WWOX: variants seen among roughly 807,000 people sequenced by gnomAD.
WWOX encodes WW domain containing oxidoreductase.
Under a neutral mutation model 46.2 loss-of-function variants are expected in WWOX, and 69 were observed. That is an observed-to-expected ratio of 1.49 (90% confidence interval 1.23 to 1.82). WWOX has a LOEUF of 1.82. Among genes scored for constraint, WWOX ranks in the 40% most tolerant of loss-of-function variants. The probability of loss-of-function intolerance (pLI) is 0.00; values close to 1 mark genes in which losing one functional copy is unlikely to be tolerated. For synonymous variants in WWOX, 359 were observed against 202.6 expected (o/e 1.77, Z -6.56); for missense variants, 919 against 542.6 (o/e 1.69, Z -6.89).
chr16:78,596,074 T>A (rs1447092240), intron 8 of WWOX, among the ~76,000 whole-genome samples: 1 of 152,206 alleles, frequency 6.6e-6, no homozygotes. Context: ...TTTTTTATAT[T>A]CAAAATTTCT....
At chr16:78,429,848 A>C (rs368769692) in intron 7 of WWOX, among the ~76,000 whole-genome samples, 29 of 152,338 alleles carry the variant, frequency 1.9e-4, no homozygotes, top group African/African-American at 7.0e-4. Context: ...TCAACATGTA[A>C]ATGCTTGGGC....
intron 8 of WWOX, among the ~76,000 whole-genome samples, chr16:79,171,753 G>T (rs901658745): frequency 6.6e-6 from 1 of 152,112 alleles, no homozygotes; most frequent in Non-Finnish European, 1.5e-5. Context: ...CTATGGAAAC[G>T]AGTAAAGTTC....
chr16:78,826,911 C>T (rs776609282), intron 8 of WWOX, among the ~76,000 whole-genome samples: 2 of 152,176 alleles, frequency 1.3e-5, no homozygotes, highest in African/African-American at 2.4e-5. Flanking sequence ...ATTCATTGAT[C>T]ACACACTACA....
chr16:78,946,215 G>C (rs923028834), intron 8 of WWOX, among the ~76,000 whole-genome samples: 1 of 152,118 alleles, frequency 6.6e-6, no homozygotes, highest in Non-Finnish European at 1.5e-5. Context: ...TTTCGAGACT[G>C]AGTCTTGCTC....
intron 8 of WWOX, among the ~76,000 whole-genome samples, chr16:79,096,652 C>T (rs1162449368): frequency 6.6e-6 from 1 of 152,192 alleles, no homozygotes; most frequent in Non-Finnish European, 1.5e-5. Flanking sequence ...ATTATCATTG[C>T]CATCAATCCA....
At chr16:79,163,572 G>T (rs2050529333) in intron 8 of WWOX, among the ~76,000 whole-genome samples, 1 of 152,194 alleles carries the variant, frequency 6.6e-6, no homozygotes, top group African/African-American at 2.4e-5. Flanking sequence ...GCCGAAGGGG[G>T]TGGATCACCT....
chr16:78,403,927 C>T (rs538899659), intron 6 of WWOX, among the ~76,000 whole-genome samples: 30 of 152,190 alleles, frequency 2.0e-4, no homozygotes, highest in Admixed American at 1.8e-3. Context: ...CTCTGTGGAC[C>T]ACAGAGCAGG....
chr16:78,445,006 C>A (rs1031761960), intron 8 of WWOX, among the ~76,000 whole-genome samples: 4 of 151,294 alleles, frequency 2.6e-5, no homozygotes, highest in East Asian at 1.9e-4. Context: ...TGTTTCGGAT[C>A]CCAGGTTCCA....
At chr16:78,721,044 C>G (rs1186006351) in intron 8 of WWOX, among the ~76,000 whole-genome samples, 1 of 151,992 alleles carries the variant, frequency 6.6e-6, no homozygotes, top group African/African-American at 2.4e-5. Context: ...TCTTATTAGT[C>G]TATAAGATTG....
In WWOX at chr16:78,959,685, G is replaced by A. The variant is rs188454631; in HGVS notation, c.1057-251923G>A. ...ATTTGTCGGATAGACTGCAGGCTCA[G>A]ACACTGATGAGACCCCCCTGCAACT... is the stretch of plus-strand genomic sequence containing the variant. On this transcript the variant is annotated intron_variant, in intron 8 of 8. Transcript: ENST00000566780. Among the ~76,000 whole-genome samples, 493 of 152,236 alleles carry A rather than the reference G, an allele frequency of 3.2e-3. 3 individuals carry two copies. The highest frequency in any genetic ancestry group is 5.5e-3 in the Non-Finnish European group (375 of 68,008).
chr16:78,621,400 C>T (rs534622805), intron 8 of WWOX, among the ~76,000 whole-genome samples: 2 of 152,058 alleles, frequency 1.3e-5, no homozygotes, highest in Admixed American at 6.5e-5. Flanking sequence ...TCACCCCTTT[C>T]ACCTCTCCCC....
intron 8 of WWOX, among the ~76,000 whole-genome samples, chr16:78,979,952 C>T (rs1237254931): frequency 1.3e-5 from 2 of 152,060 alleles, no homozygotes; most frequent in East Asian, 1.9e-4. Context: ...CATGGTGAAA[C>T]CCCATCTCTA....
chr16:78,862,481 C>T (rs2043912177), intron 8 of WWOX, among the ~76,000 whole-genome samples: 1 of 151,740 alleles, frequency 6.6e-6, no homozygotes, highest in Admixed American at 6.6e-5. Context: ...CACACAAGTG[C>T]ATACACACAC....
At chr16:79,083,653 C>G (rs549132427) in intron 8 of WWOX, among the ~76,000 whole-genome samples, 1 of 152,150 alleles carries the variant, frequency 6.6e-6, no homozygotes, top group Non-Finnish European at 1.5e-5. Flanking sequence ...CGAAGGAAAA[C>G]AAAGACAATT....
rs181055511 is a variant in WWOX, at chr16:79,094,686, T to C, written c.1057-116922T>C. Among the ~76,000 whole-genome samples, 671 of 152,264 alleles carry C rather than the reference T, an allele frequency of 4.4e-3. 2 individuals are homozygous for C. The highest frequency in any genetic ancestry group is 8.0e-3 in the Non-Finnish European group (546 of 68,022). On this transcript the variant is annotated intron_variant, in intron 8 of 8. Transcript: ENST00000566780. ...TTTCTAGAAGTTTTGGTATAAAATA[T>C]GTACAAGGATACATATATAAACTTA...
chr16:78,201,661 G>C (rs900992750), intron 5 of WWOX, among the ~76,000 whole-genome samples: 1 of 151,532 alleles, frequency 6.6e-6, no homozygotes, highest in Admixed American at 6.6e-5. Flanking sequence ...TCCCCTCACT[G>C]GGCATTCCTT....
At chr16:78,553,468 C>A (rs1368323117) in intron 8 of WWOX, among the ~76,000 whole-genome samples, 1 of 151,704 alleles carries the variant, frequency 6.6e-6, no homozygotes, top group African/African-American at 2.4e-5. Context: ...GAGTTCGAGC[C>A]CAATAAAGCC....
intron 8 of WWOX, among the ~76,000 whole-genome samples, chr16:79,031,207 A>C (rs1343574610): frequency 6.6e-6 from 1 of 151,942 alleles, no homozygotes; most frequent in East Asian, 1.9e-4. Context: ...GAGGGTGTTT[A>C]GGGATTAGAT....
At chr16:78,809,542 C>T (rs945066165) in intron 8 of WWOX, among the ~76,000 whole-genome samples, 2 of 152,118 alleles carry the variant, frequency 1.3e-5, no homozygotes, top group Non-Finnish European at 2.9e-5. Context: ...CTTCCACTTG[C>T]CCCAAATAGG....
Sources: gnomAD v4.1 joint callset for allele counts (sites outside exome capture counted in the v4.1 genomes callset) on GRCh38, gnomAD v4.1.1 for gene constraint, MANE v1.5 for transcripts, NCBI Gene and HGNC (gene_info 2026-07-23, HGNC 2026-07-21) for gene names.